Variants in NAPA observed in about 807,000 individuals in gnomAD.
The protein encoded by NAPA is NSF attachment protein alpha.
NAPA carries 18 observed loss-of-function variants against 48.0 expected under a neutral mutation model. The observed-to-expected ratio is 0.38, with a 90% confidence interval of 0.26 to 0.56. The LOEUF is 0.56. Ranked by LOEUF, NAPA falls within the 20% of genes least tolerant of loss-of-function variation. The pLI is 0.77. For missense variants in NAPA, 315 were observed against 385.0 expected, an observed-to-expected ratio of 0.82 and a Z score of 1.52; for synonymous variants, 152 against 149.9, an observed-to-expected ratio of 1.01 and a Z score of -0.10.
chr19:47,495,490 C>A, intron 4 of NAPA, 60 bp downstream of exon 4: 1 of 1,540,274 alleles, frequency 6.5e-7, no homozygotes. Flanking sequence ...AAAGAGGGGA[C>A]GCAAGGCTGG....
chr19:47,509,838 C>T (rs541168042), intron 1 of NAPA, among the ~76,000 whole-genome samples: 3 of 152,316 alleles, frequency 2.0e-5, no homozygotes, highest in South Asian at 2.1e-4. Context: ...TTTTCTTATA[C>T]GGATGCCCTC....
rs1476577573 is a variant in NAPA at position 47,487,698 on chromosome 19, A to C, written c.*590T>G. Reference sequence around the variant, plus strand: ...GCCAGCTGCAGCTTCCAACCAAGAAAACCTCAAAGCATTAGGGAAGGAGCA... The same window carrying C: ...GCCAGCTGCAGCTTCCAACCAAGAACACCTCAAAGCATTAGGGAAGGAGCA... On this transcript the variant is annotated 3_prime_UTR_variant, in exon 11 of 11. Transcript: ENST00000263354. 1 of 152,470 alleles carries C rather than the reference A, an allele frequency of 6.6e-6. No individual in the cohort carries two copies. Among genetic ancestry groups the C allele is most frequent in the East Asian group, 1.9e-4 (1 of 5,198 alleles). The allele number at this position is 152,470 out of a possible 1,614,324, so 9.4% of individuals were successfully genotyped here.
At chr19:47,495,912 T>TGCTAG (rs1968411465) in intron 3 of NAPA, 1 of 370,208 alleles carries the variant, frequency 2.7e-6, no homozygotes, top group Non-Finnish European at 5.1e-6. Context: ...GGCACAGCAG[T>TGCTAG]GCTAGGCCAG....
At chr19:47,494,406 G>T (rs1417135578) in intron 4 of NAPA, among the ~76,000 whole-genome samples, 1 of 152,100 alleles carries the variant, frequency 6.6e-6, no homozygotes, top group Non-Finnish European at 1.5e-5. Flanking sequence ...TCCCTGCCTG[G>T]GGTTGGAGGG....
At chr19:47,492,768 A>G in intron 7 of NAPA, 193 bp downstream of exon 7, 1 of 694,312 alleles carries the variant, frequency 1.4e-6, no homozygotes, top group South Asian at 1.5e-5. Context: ...CTGGCACGGC[A>G]TGGAGTCGTA....
At chr19:47,495,377 C>T in intron 4 of NAPA, 173 bp downstream of exon 4, 1 of 703,634 alleles carries the variant, frequency 1.4e-6, no homozygotes. Context: ...TGGGTGAAGA[C>T]CCAGCCAGCC....
intron 2 of NAPA, among the ~76,000 whole-genome samples, chr19:47,501,198 G>A (rs1024790999): frequency 4.6e-5 from 7 of 152,128 alleles, no homozygotes; most frequent in Admixed American, 1.3e-4. Flanking sequence ...TGCACCTCCC[G>A]GCCTGGGCAG....
In NAPA at chr19:47,515,019, G is replaced by C; in HGVS notation, c.-79C>G. On this transcript the variant is annotated 5_prime_UTR_variant, in exon 1 of 11. In the 5' UTR this introduces an upstream ATG that the reference lacks. Coordinates refer to ENST00000263354, the MANE Select transcript of NAPA (RefSeq NM_003827.4). ...AGCCGCGGCCGGGCCGCGGAACACA[G>C]ATCGGTAAAACTCGCCCGGCTGCGT... The C allele has an allele frequency of 2.1e-6, 3 of 1,439,168 alleles. No homozygotes were observed. Among genetic ancestry groups the C allele is most frequent in the Non-Finnish European group, 2.9e-6 (3 of 1,049,984 alleles). 89.1% of individuals were successfully genotyped at this position (1,439,168 alleles called of 1,614,324 possible). A position where few individuals can be genotyped will look rare whatever the true frequency, so the allele number is the denominator to read the frequency against.
intron 8 of NAPA, 192 bp from the exon 9 acceptor site, chr19:47,491,048 CT>C (rs1429741622): frequency 3.9e-6 from 2 of 518,244 alleles, no homozygotes; most frequent in Non-Finnish European, 6.9e-6. Context: ...ACCAGCCTGG[CT>C]GCAGAGATGG....
downstream of NAPA, among the ~76,000 whole-genome samples, chr19:47,486,642 G>C (rs1968086249): frequency 1.3e-5 from 2 of 152,180 alleles, no homozygotes; most frequent in Non-Finnish European, 1.5e-5. Context: ...CATAGCCAGG[G>C]CGGACCATCA....
At chr19:47,495,700 G>C in intron 3 of NAPA, 104 bp from the exon 4 acceptor site, 1 of 1,051,680 alleles carries the variant, frequency 9.5e-7, no homozygotes, top group Non-Finnish European at 1.5e-6. Flanking sequence ...CCAGCAGAGA[G>C]ATCAATAGGC....
At position 47,487,996 on chromosome 19, in the gene NAPA, A is replaced by T; in HGVS notation, c.*292T>A. The T allele has an allele frequency of 3.9e-6, 1 of 255,170 alleles. No individual in the cohort carries two copies. Among genetic ancestry groups the T allele is most frequent in the Non-Finnish European group, 7.6e-6 (1 of 131,578 alleles). 15.8% of individuals were successfully genotyped at this position (255,170 alleles called of 1,614,324 possible). A position where few individuals can be genotyped will look rare whatever the true frequency, so the allele number is the denominator to read the frequency against. On this transcript the variant is annotated 3_prime_UTR_variant, in exon 11 of 11. Transcript: ENST00000263354. Reference sequence around the variant, plus strand: ...CCAAATCCCCGGCAGCACCCCTAGCAAATAGGTCTGTATCAAAGATTCTGT... The same window carrying T: ...CCAAATCCCCGGCAGCACCCCTAGCTAATAGGTCTGTATCAAAGATTCTGT...
At chr19:47,511,297 C>T (rs1006467929) in intron 1 of NAPA, among the ~76,000 whole-genome samples, 2 of 152,184 alleles carry the variant, frequency 1.3e-5, no homozygotes, top group Non-Finnish European at 2.9e-5. Context: ...GCCCGCCAAG[C>T]AGGTCCTCCC....
At chr19:47,495,207 T>C (rs1024274175) in intron 4 of NAPA, 2 of 344,892 alleles carry the variant, frequency 5.8e-6, no homozygotes, top group Non-Finnish European at 1.1e-5. Context: ...TTGCCCAGGC[T>C]GGTCTCGAAC....
intron 1 of NAPA, among the ~76,000 whole-genome samples, chr19:47,513,738 TC>T (rs1201294744): frequency 6.6e-6 from 1 of 151,230 alleles, no homozygotes; most frequent in Non-Finnish European, 1.5e-5. Context: ...CCCCTGTCTC[TC>T]CCTGTTATCC....
chr19:47,494,108 C>T (rs1056894664), intron 4 of NAPA, among the ~76,000 whole-genome samples: 1 of 152,224 alleles, frequency 6.6e-6, no homozygotes, highest in Admixed American at 6.5e-5. Flanking sequence ...GGTCCAACGC[C>T]ACCCCCTTGC....
Position 47,493,751 on chromosome 19 carries a change from C to T in NAPA, c.343-258G>A. ...CCACTCCAGGGCCTTAGCCTAATTC[C>T]ATCCCATCCACGAGGGCACAGATGG... On this transcript the variant is annotated intron_variant, in intron 4 of 10. Transcript: ENST00000263354. This position sits in a 1 kb window ranked among gnomAD's most constrained non-coding sequence, Gnocchi z 6.4. 2.0e-6 allele frequency: 1 copy of T among 499,730 alleles called. No individual in the cohort carries two copies. The highest frequency in any genetic ancestry group is 3.7e-6 in the Non-Finnish European group (1 of 273,846). 31.0% of individuals were successfully genotyped at this position (499,730 alleles called of 1,614,324 possible).
intron 3 of NAPA, 143 bp downstream of exon 3, chr19:47,500,490 C>A: frequency 1.7e-6 from 1 of 595,420 alleles, no homozygotes; most frequent in Non-Finnish European, 2.8e-6. Context: ...TCAACGCTCA[C>A]TCTGCCTCAG....
At chr19:47,504,338 T>C (rs1254017534) in intron 1 of NAPA, among the ~76,000 whole-genome samples, 2 of 129,194 alleles carry the variant, frequency 1.5e-5, no homozygotes, top group Non-Finnish European at 3.1e-5. Context: ...GAGGTTGCAG[T>C]AAGCCAAGAT....
Sources: allele counts gnomAD v4.1 joint callset (sites outside exome capture counted in the v4.1 genomes callset), GRCh38; gene constraint gnomAD v4.1.1; non-coding constraint Gnocchi (gnomAD v3.1); transcripts MANE v1.5; gene names NCBI Gene and HGNC (gene_info 2026-07-23, HGNC 2026-07-21).